The following DHRS4L2 variants were observed in gnomAD, a reference collection of about 807,000 sequenced individuals.
DHRS4L2 encodes the protein dehydrogenase/reductase SDR family member 4-like 2.
Under a neutral mutation model 23.9 loss-of-function variants are expected in DHRS4L2, and 22 were observed. That is an observed-to-expected ratio of 0.92 (90% CI 0.66 to 1.31). The LOEUF (loss-of-function observed/expected upper bound fraction) is 1.31, where lower values mean the gene tolerates loss of function less well. Among genes scored for constraint, DHRS4L2 ranks in the 40% most tolerant of loss-of-function variants. The pLI is 0.00. For missense variants in DHRS4L2, 385 were observed against 303.3 expected (o/e 1.27, Z -2.00); for synonymous variants, 141 against 123.7 (o/e 1.14, Z -0.93).
At chr14:23,972,310 G>A (rs1285129646) in intron 1 of DHRS4L2, among the ~76,000 whole-genome samples, 4 of 151,786 alleles carry the variant, frequency 2.6e-5, no homozygotes, top group East Asian at 1.9e-4. Context: ...GTGAAGCTGC[G>A]GACCTTCGCA....
At chr14:23,993,837 A>G (rs1021464624) in intron 2 of DHRS4L2, among the ~76,000 whole-genome samples, 1 of 151,678 alleles carries the variant, frequency 6.6e-6, no homozygotes, top group African/African-American at 2.4e-5. Context: ...TCTCCTGGGC[A>G]GCTGGTTTAC....
At position 24,006,171 on chromosome 14, in the gene DHRS4L2, G is replaced by A. The variant is rs951350897; in HGVS notation, c.*308G>A. ...CTGCCGTCAAGGTGGCGTCTTACTC[G>A]GGATTCCTGCTGTTGTTGTGGCCTT... On this transcript the variant is annotated 3_prime_UTR_variant, in exon 8 of 8. Coordinates refer to ENST00000335125, the MANE Select transcript of DHRS4L2 (RefSeq NM_198083.4). The A allele has an allele frequency of 1.2e-5, 16 of 1,331,416 alleles. No homozygotes were observed. Among genetic ancestry groups the A allele is most frequent in the Admixed American group, 3.0e-5 (1 of 32,932 alleles). The allele number at this position is 1,331,416 out of a possible 1,614,324, so 82.5% of individuals were successfully genotyped here.
chr14:23,980,540 T>C (rs1241417028), intron 1 of DHRS4L2, among the ~76,000 whole-genome samples: 12 of 143,974 alleles, frequency 8.3e-5, no homozygotes, highest in African/African-American at 2.5e-4. Flanking sequence ...ATGAACATCA[T>C]TGAGAACATC....
At chr14:23,972,295 C>G (rs987290604) in intron 1 of DHRS4L2, among the ~76,000 whole-genome samples, 1 of 152,012 alleles carries the variant, frequency 6.6e-6, no homozygotes, top group Non-Finnish European at 1.5e-5. Flanking sequence ...TTGCTGGCTT[C>G]AGGAGTGAAG....
At chr14:23,993,286 A>T (rs1361328743) in intron 2 of DHRS4L2, among the ~76,000 whole-genome samples, 4 of 151,798 alleles carry the variant, frequency 2.6e-5, no homozygotes, top group Admixed American at 2.6e-4. Context: ...GGTGCAAGAA[A>T]GTATTAATAC....
chr14:24,004,407 G>C lies in DHRS4L2; in HGVS notation c.*22+15G>C. 2 of 1,596,902 alleles carry C rather than the reference G, an allele frequency of 1.3e-6. No individual in the cohort carries two copies. Among genetic ancestry groups the C allele is most frequent in the South Asian group, 1.1e-5 (1 of 88,798 alleles). On this transcript the variant is annotated intron_variant, in intron 7 of 7. Transcript: ENST00000335125. Reference sequence around the variant, plus strand: ...CGGATAAGAAGGTAAACTGTCATGAGGGCAAGGGCACTAAGAGACATGAAG... The same window carrying C: ...CGGATAAGAAGGTAAACTGTCATGACGGCAAGGGCACTAAGAGACATGAAG...
intron 3 of DHRS4L2, among the ~76,000 whole-genome samples, chr14:23,996,097 G>C (rs2034377204): frequency 6.6e-6 from 1 of 151,640 alleles, no homozygotes; most frequent in African/African-American, 2.4e-5. Context: ...AGAGATACCA[G>C]TCTCTTTTAA....
At chr14:23,993,541 C>G (rs548691425) in intron 2 of DHRS4L2, among the ~76,000 whole-genome samples, 1 of 151,728 alleles carries the variant, frequency 6.6e-6, no homozygotes, top group South Asian at 2.1e-4. Context: ...ATTGCCAGTT[C>G]CGGGCAAATG....
intron 2 of DHRS4L2, among the ~76,000 whole-genome samples, chr14:23,992,307 C>G (rs61999849): frequency 1.3e-5 from 2 of 151,370 alleles, no homozygotes; most frequent in Non-Finnish European, 1.5e-5. Context: ...TTAGTGGAAA[C>G]GAACCAAGAT....
At chr14:23,999,527 T>C (rs1224266775) in intron 3 of DHRS4L2, among the ~76,000 whole-genome samples, 12 of 148,380 alleles carry the variant, frequency 8.1e-5, no homozygotes, top group Middle Eastern at 3.4e-3. Context: ...ATTTGGGGGA[T>C]AATTGAGGCC....
At chr14:23,975,451 A>G (rs1219752857) in intron 1 of DHRS4L2, among the ~76,000 whole-genome samples, 2 of 151,818 alleles carry the variant, frequency 1.3e-5, no homozygotes, top group Non-Finnish European at 2.9e-5. Context: ...AAATGGAAGA[A>G]TATTGCATGC....
At chr14:23,982,072 T>C (rs918379500) in intron 1 of DHRS4L2, among the ~76,000 whole-genome samples, 13 of 151,604 alleles carry the variant, frequency 8.6e-5, no homozygotes, top group African/African-American at 2.9e-4. Context: ...AGACCCTTCA[T>C]GGGTGTCGGG....
At chr14:23,999,362 A>AAAAAAAAAAAAAAAAAAAAC (rs2034442854) in intron 3 of DHRS4L2, among the ~76,000 whole-genome samples, 1 of 128,274 alleles carries the variant, frequency 7.8e-6, no homozygotes, top group African/African-American at 2.7e-5. Flanking sequence ...AAAAAAAAAA[A>AAAAAAAAAAAAAAAAAAAAC]AAAAAAAAAA....
chr14:24,001,321 T>C lies in DHRS4L2; in HGVS notation c.532-63T>C, dbSNP rs1480613878. On this transcript the variant is annotated intron_variant, in intron 5 of 7. Coordinates refer to ENST00000335125, the MANE Select transcript of DHRS4L2 (RefSeq NM_198083.4). Reference sequence around the variant, plus strand: ...CCTACTGAGCACTGCCCTCTATGTCTAGTTATTAGAACCAAGAATGACCTG... The same window carrying C: ...CCTACTGAGCACTGCCCTCTATGTCCAGTTATTAGAACCAAGAATGACCTG... The C allele has an allele frequency of 1.6e-5, 26 of 1,582,212 alleles. 2 individuals carry two copies. The African/African-American group carries it at 3.2e-4, about 19-fold the overall frequency.
At chr14:23,969,874 A>T (rs1456033093) in exon 1 of DHRS4L2, 3 of 387,550 alleles carry the variant, frequency 7.7e-6, no homozygotes, top group South Asian at 3.7e-5. Flanking sequence ...CGCGACGCGC[A>T]TGCTCAGTCG....
chr14:23,995,372 C>T (rs186251018), intron 3 of DHRS4L2, among the ~76,000 whole-genome samples: 1 of 151,806 alleles, frequency 6.6e-6, no homozygotes, highest in East Asian at 1.9e-4. Context: ...TTAGCCACTG[C>T]TCCCCTCCCC....
intron 1 of DHRS4L2, among the ~76,000 whole-genome samples, chr14:23,983,082 G>C (rs1039600094): frequency 8.6e-5 from 13 of 151,628 alleles, no homozygotes; most frequent in African/African-American, 3.1e-4. Context: ...ACTATCGTCA[G>C]AGTGAACAGG....
At chr14:23,990,735 A>G in intron 2 of DHRS4L2, 2 of 821,252 alleles carry the variant, frequency 2.4e-6, no homozygotes. Context: ...GCAGCCCACC[A>G]TGTTTCAGCC....
chr14:23,996,746 T>C (rs1241391052), intron 3 of DHRS4L2, among the ~76,000 whole-genome samples: 1 of 150,602 alleles, frequency 6.6e-6, no homozygotes, highest in African/African-American at 2.4e-5. Flanking sequence ...GTTCAAGCGA[T>C]TCTTGTGCCT....
Sources: gnomAD v4.1 joint callset for allele counts (sites outside exome capture counted in the v4.1 genomes callset) on GRCh38, gnomAD v4.1.1 for gene constraint, MANE v1.5 for transcripts, NCBI Gene and HGNC (gene_info 2026-07-23, HGNC 2026-07-21) for gene names.